Variants in MOB3B observed in about 807,000 individuals in gnomAD.
MOB3B encodes the protein MOB kinase activator 3B.
Under a neutral mutation model 18.7 loss-of-function variants are expected in MOB3B, and 7 were observed. The observed-to-expected ratio is 0.37, with a 90% CI of 0.21 to 0.70. The LOEUF (loss-of-function observed/expected upper bound fraction) is 0.70, where lower values mean the gene tolerates loss of function less well. Ranked by LOEUF, MOB3B falls within the 30% of genes least tolerant of loss-of-function variation. The probability of loss-of-function intolerance (pLI) is 0.52; values close to 1 mark genes in which losing one functional copy is unlikely to be tolerated. For missense variants in MOB3B, 253 were observed against 281.3 expected (o/e 0.90, Z 0.72); for synonymous variants, 111 against 99.9 (o/e 1.11, Z -0.66).
intron 3 of MOB3B, among the ~76,000 whole-genome samples, chr9:27,333,023 C>G (rs1409307038): frequency 6.6e-6 from 1 of 152,078 alleles, no homozygotes; most frequent in African/African-American, 2.4e-5. Flanking sequence ...TTTATCCAGA[C>G]TGATGCCAGT....
intron 1 of MOB3B, among the ~76,000 whole-genome samples, chr9:27,514,847 G>C (rs1820206845): frequency 6.6e-6 from 1 of 152,218 alleles, no homozygotes; most frequent in South Asian, 2.1e-4. Flanking sequence ...CCTACACAGA[G>C]GGAAGTTGTA....
At chr9:27,419,015 A>C (rs1822198873) in intron 2 of MOB3B, among the ~76,000 whole-genome samples, 1 of 151,350 alleles carries the variant, frequency 6.6e-6, no homozygotes, top group Non-Finnish European at 1.5e-5. Flanking sequence ...AACTGCGACC[A>C]AGCGGGGAAT....
chr9:27,510,156 C>A (rs1254617926), intron 1 of MOB3B, among the ~76,000 whole-genome samples: 1 of 152,030 alleles, frequency 6.6e-6, no homozygotes, highest in Non-Finnish European at 1.5e-5. Context: ...AATCAAGAAG[C>A]TTATGTGGTA....
intron 2 of MOB3B, among the ~76,000 whole-genome samples, chr9:27,402,415 T>G (rs1267901700): frequency 2.0e-5 from 3 of 152,178 alleles, no homozygotes; most frequent in African/African-American, 7.2e-5. Context: ...ATTTTTTGAA[T>G]GAATTAATGT....
intron 2 of MOB3B, among the ~76,000 whole-genome samples, chr9:27,366,953 A>T (rs1821351131): frequency 6.6e-6 from 1 of 152,182 alleles, no homozygotes; most frequent in South Asian, 2.1e-4. Flanking sequence ...ATTTTCCTGC[A>T]TAGATCACAC....
intron 1 of MOB3B, among the ~76,000 whole-genome samples, chr9:27,464,541 T>C (rs753270128): frequency 4.6e-5 from 7 of 151,980 alleles, no homozygotes; most frequent in Non-Finnish European, 1.0e-4. Flanking sequence ...ATAAATACTC[T>C]ACATTTAACA....
intron 1 of MOB3B, among the ~76,000 whole-genome samples, chr9:27,475,708 T>C (rs1453803768): frequency 6.6e-6 from 1 of 152,250 alleles, no homozygotes; most frequent in Admixed American, 6.5e-5. Context: ...CCTCACCCAG[T>C]GTTCTCATTT....
chr9:27,403,837 CAT>C (rs1460508932), intron 2 of MOB3B, among the ~76,000 whole-genome samples: 1 of 152,032 alleles, frequency 6.6e-6, no homozygotes, highest in African/African-American at 2.4e-5. Flanking sequence ...TTATGGGGCA[CAT>C]GTGATATTCT....
At chr9:27,495,162 C>T (rs1819877464) in intron 1 of MOB3B, among the ~76,000 whole-genome samples, 1 of 151,950 alleles carries the variant, frequency 6.6e-6, no homozygotes. Flanking sequence ...GACCTTGTCT[C>T]TACAAGTGAT....
chr9:27,518,007 C>T (rs1167699926), intron 1 of MOB3B, among the ~76,000 whole-genome samples: 1 of 152,112 alleles, frequency 6.6e-6, no homozygotes, highest in Non-Finnish European at 1.5e-5. Context: ...TTCCTAGATA[C>T]CACCCCCAAC....
rs573141322 is a variant in MOB3B at position 27,411,371 on chromosome 9, G to A, written c.418+43762C>T. Among the ~76,000 whole-genome samples, 265 of 152,302 alleles carry A rather than the reference G, an allele frequency of 1.7e-3. 2 individuals are homozygous for A. Among genetic ancestry groups the A allele is most frequent in the African/African-American group, 6.1e-3 (254 of 41,558 alleles). On this transcript the variant is annotated intron_variant, in intron 2 of 3. Coordinates refer to ENST00000262244, the MANE Select transcript of MOB3B (RefSeq NM_024761.5). ...GCAGGTGAATCAATGCCATCTAATT[G>A]TTTCAGCTAGGGCTTGCAGATTTGT...
At chr9:27,394,540 A>G (rs1821774332) in intron 2 of MOB3B, among the ~76,000 whole-genome samples, 1 of 152,218 alleles carries the variant, frequency 6.6e-6, no homozygotes, top group Admixed American at 6.5e-5. Flanking sequence ...GATACCAGCC[A>G]TTGGATAAAC....
intron 3 of MOB3B, among the ~76,000 whole-genome samples, chr9:27,350,966 G>T (rs1377230693): frequency 6.7e-6 from 1 of 150,008 alleles, no homozygotes; most frequent in African/African-American, 2.5e-5. Flanking sequence ...GTGATGGCAC[G>T]ATCTCGGCTC....
chr9:27,438,753 C>T (rs532115161), intron 2 of MOB3B, among the ~76,000 whole-genome samples: 14 of 152,226 alleles, frequency 9.2e-5, no homozygotes, highest in Admixed American at 3.9e-4. Flanking sequence ...CCCCGTGAGT[C>T]GCTGTAGACT....
Position 27,529,776 on chromosome 9 carries a change from A to T in MOB3B, c.-420T>A. On this transcript the variant is annotated 5_prime_UTR_variant, in exon 1 of 4. An upstream start codon of the reference 5' UTR is lost. Coordinates refer to ENST00000262244, the MANE Select transcript of MOB3B (RefSeq NM_024761.5). ...GCCGTCGCTCCGGAGCAGCCCCCTC[A>T]TGCACCCAGCGCGCCGCGCAGCCGG... is the stretch of plus-strand genomic sequence containing the variant. 3.0e-6 allele frequency: 3 copies of T among 985,044 alleles called. No individual in the cohort carries two copies. The highest frequency in any genetic ancestry group is 3.6e-6 in the Non-Finnish European group (3 of 829,874). 61.0% of individuals were successfully genotyped at this position (985,044 alleles called of 1,614,324 possible).
intron 1 of MOB3B, among the ~76,000 whole-genome samples, chr9:27,480,776 AAAG>A (rs1354769255): frequency 6.6e-6 from 1 of 152,208 alleles, no homozygotes; most frequent in African/African-American, 2.4e-5. Flanking sequence ...AAAGGGGGAA[AAAG>A]AATACTCAAA....
chr9:27,461,527 G>T (rs965412653), intron 1 of MOB3B, among the ~76,000 whole-genome samples: 7 of 152,216 alleles, frequency 4.6e-5, no homozygotes, highest in African/African-American at 1.7e-4. Flanking sequence ...AATCTTCAAA[G>T]ATATGCATGG....
chr9:27,398,501 T>G (rs1256008670), intron 2 of MOB3B, among the ~76,000 whole-genome samples: 1 of 152,086 alleles, frequency 6.6e-6, no homozygotes, highest in Non-Finnish European at 1.5e-5. Context: ...TGACACAGAG[T>G]CTAATACAGA....
At chr9:27,421,493 G>C (rs1435974585) in intron 2 of MOB3B, 1 of 152,282 alleles carries the variant, frequency 6.6e-6, no homozygotes, top group African/African-American at 2.4e-5. Context: ...CACCTTGGGT[G>C]CTCCTTTCAA....
Sources: allele counts gnomAD v4.1 joint callset (sites outside exome capture counted in the v4.1 genomes callset), GRCh38; gene constraint gnomAD v4.1.1; transcripts MANE v1.5; gene names NCBI Gene and HGNC (gene_info 2026-07-23, HGNC 2026-07-21).